FERMT2: variants seen among roughly 807,000 people sequenced by gnomAD.
FERMT2 encodes the protein FERM domain containing kindlin 2, also known as fermitin family homolog 2.
A neutral mutation model predicts 82.7 loss-of-function variants in FERMT2; 15 were observed. The observed-to-expected ratio is 0.18, with a 90% CI of 0.12 to 0.28. The LOEUF is 0.28. Ranked by LOEUF, FERMT2 falls within the 10% of genes least tolerant of loss-of-function variation. FERMT2 has a pLI of 1.00. For synonymous variants in FERMT2, 274 were observed against 271.5 expected (o/e 1.01, Z -0.09); for missense variants, 645 against 809.4 (o/e 0.80, Z 2.46).
intron 3 of FERMT2, among the ~76,000 whole-genome samples, chr14:52,911,318 AT>A (rs1888296104): frequency 6.6e-6 from 1 of 152,208 alleles, no homozygotes; most frequent in Non-Finnish European, 1.5e-5. Flanking sequence ...CATTAAAAAA[AT>A]ATAAGAGCCT....
intron 3 of FERMT2, among the ~76,000 whole-genome samples, chr14:52,904,598 CA>C (rs1594972938): frequency 6.6e-6 from 1 of 151,858 alleles, no homozygotes; most frequent in East Asian, 1.9e-4. Context: ...GAGGCTGAGG[CA>C]TGAGAATCGC....
chr14:52,913,508 C>T (rs1888441694), intron 3 of FERMT2, among the ~76,000 whole-genome samples: 1 of 152,092 alleles, frequency 6.6e-6, no homozygotes, highest in Non-Finnish European at 1.5e-5. Context: ...TGCACGTAAC[C>T]TAGACTTGGC....
At position 52,892,010 on chromosome 14, in the gene FERMT2, A is replaced by G. The variant is rs1382218543; in HGVS notation, c.526+1283T>C. ...AGTATAACAATACCAAACACAGAAA[A>G]GTCTGCTGACTCATGACAGAAAGAT... On this transcript the variant is annotated intron_variant, in intron 4 of 14. Transcript: ENST00000341590. Among the ~76,000 whole-genome samples, 3 of 152,136 alleles carry G rather than the reference A, an allele frequency of 2.0e-5. No homozygotes were observed. The East Asian group carries it at 5.8e-4, about 29-fold the overall frequency.
intron 3 of FERMT2, among the ~76,000 whole-genome samples, chr14:52,911,572 A>T (rs1181833976): frequency 6.6e-6 from 1 of 151,742 alleles, no homozygotes; most frequent in Non-Finnish European, 1.5e-5. Context: ...AATGGCGTGA[A>T]CCCGGGAGGC....
rs973879110 is a variant in FERMT2 at position 52,857,948 on chromosome 14, T to A, written c.*429A>T. ...GGGGTAGGGGGAGGAATTAAATGGCTACCAGAAGTAGGATATTTTAAAACA... is the reference window on the plus strand; with the variant it reads ...GGGGTAGGGGGAGGAATTAAATGGCAACCAGAAGTAGGATATTTTAAAACA... On this transcript the variant is annotated 3_prime_UTR_variant, in exon 15 of 15. Transcript: ENST00000341590. The A allele has an allele frequency of 6.5e-6, 1 of 154,744 alleles. No individual in the cohort carries two copies. Among genetic ancestry groups the A allele is most frequent in the African/African-American group, 2.4e-5 (1 of 41,510 alleles). 9.6% of individuals were successfully genotyped at this position (154,744 alleles called of 1,614,324 possible). A position where few individuals can be genotyped will look rare whatever the true frequency, so the allele number is the denominator to read the frequency against.
At chr14:52,910,822 T>C (rs9888615) in intron 3 of FERMT2, among the ~76,000 whole-genome samples, 95,673 of 152,012 alleles carry the variant, frequency 0.63, 31,457 homozygotes, top group South Asian at 0.76. Context: ...TAGGTAACAA[T>C]ATATTTTGGT....
intron 3 of FERMT2, among the ~76,000 whole-genome samples, chr14:52,912,078 C>T (rs751301129): frequency 1.3e-5 from 2 of 151,726 alleles, no homozygotes; most frequent in Non-Finnish European, 2.9e-5. Flanking sequence ...CCCTGTCGTG[C>T]TGCCAGCATG....
At chr14:52,934,501 A>C (rs985757468) in intron 2 of FERMT2, among the ~76,000 whole-genome samples, 1 of 152,218 alleles carries the variant, frequency 6.6e-6, no homozygotes. Context: ...GGATCAACTT[A>C]AAACATTTTG....
chr14:52,873,322 G>A (rs1432856239), intron 9 of FERMT2, among the ~76,000 whole-genome samples: 1 of 152,190 alleles, frequency 6.6e-6, no homozygotes, highest in Non-Finnish European at 1.5e-5. Flanking sequence ...GGATTGCCTT[G>A]GAGCCTCTAT....
intron 2 of FERMT2, among the ~76,000 whole-genome samples, chr14:52,920,554 A>G (rs923331546): frequency 2.0e-5 from 3 of 152,084 alleles, no homozygotes; most frequent in African/African-American, 7.2e-5. Context: ...GGATCACTTG[A>G]GCCCATAAGG....
intron 13 of FERMT2, 25 bp from the exon 14 acceptor site, chr14:52,859,739 T>C (rs772073376): frequency 2.1e-6 from 3 of 1,451,962 alleles, no homozygotes; most frequent in Middle Eastern, 1.8e-4. Flanking sequence ...AAAAGAACGG[T>C]TAAAAACATG....
At position 52,870,540 on chromosome 14, in the gene FERMT2, G is replaced by A. The variant is rs983813903; in HGVS notation, c.1273+2259C>T. ...TGGGATTATAGGCATGAGCCACCGC[G>A]CCCAGCCAAGTTGTACCTTTTCTAG... On this transcript the variant is annotated intron_variant, in intron 10 of 14. Transcript: ENST00000341590. 2.6e-5 allele frequency among the ~76,000 whole-genome samples: 4 copies of A among 152,238 alleles called. No individual in the cohort carries two copies. The South Asian group carries it at 6.2e-4, about 24-fold the overall frequency.
chr14:52,945,799 G>C (rs575781402), intron 2 of FERMT2, among the ~76,000 whole-genome samples: 1 of 151,998 alleles, frequency 6.6e-6, no homozygotes, highest in Non-Finnish European at 1.5e-5. Flanking sequence ...CTTATTCTCC[G>C]TTTAAAATGA....
intron 10 of FERMT2, 48 bp from the exon 11 acceptor site, chr14:52,864,901 A>C (rs1259594033): frequency 9.0e-7 from 1 of 1,113,014 alleles, no homozygotes; most frequent in Non-Finnish European, 1.4e-6. Context: ...CTTTTAAGAA[A>C]TCTCAAGTCA....
At chr14:52,897,994 A>AAC (rs1555369658) in intron 3 of FERMT2, among the ~76,000 whole-genome samples, 32 of 147,472 alleles carry the variant, frequency 2.2e-4, no homozygotes, top group Middle Eastern at 3.5e-3. Context: ...AAAAAAAAAA[A>AAC]CAACCAAAAA....
chr14:52,858,304 G>C lies in FERMT2; in HGVS notation c.*73C>G. ...ATAAATTTCAAGCTTACTTTATTAAGCAGCATATAACAAACAGCTTTTAAA... is the reference window on the plus strand; with the variant it reads ...ATAAATTTCAAGCTTACTTTATTAACCAGCATATAACAAACAGCTTTTAAA... On this transcript the variant is annotated 3_prime_UTR_variant, in exon 15 of 15. Transcript: ENST00000341590. 1.5e-6 allele frequency: 2 copies of C among 1,295,202 alleles called. No individual in the cohort carries two copies. Among genetic ancestry groups the C allele is most frequent in the South Asian group, 2.6e-5 (2 of 75,790 alleles). 80.2% of individuals were successfully genotyped at this position (1,295,202 alleles called of 1,614,324 possible). A position where few individuals can be genotyped will look rare whatever the true frequency, so the allele number is the denominator to read the frequency against.
intron 10 of FERMT2, among the ~76,000 whole-genome samples, chr14:52,872,597 C>G (rs147395672): frequency 1.4e-3 from 218 of 152,256 alleles, no homozygotes; most frequent in Middle Eastern, 6.8e-3. Context: ...GAGATTACAA[C>G]AAAATATTTA....
intron 12 of FERMT2, chr14:52,860,677 T>G: frequency 1.7e-6 from 1 of 575,658 alleles, no homozygotes; most frequent in African/African-American, 1.9e-5. Flanking sequence ...TTTTCATATA[T>G]CAACAAAAAG....
intron 2 of FERMT2, among the ~76,000 whole-genome samples, chr14:52,949,006 A>T (rs902543245): frequency 1.3e-5 from 2 of 152,218 alleles, no homozygotes; most frequent in African/African-American, 4.8e-5. Context: ...GCAAACAGTG[A>T]CTGATTTATT....
Sources: allele counts gnomAD v4.1 joint callset (sites outside exome capture counted in the v4.1 genomes callset), GRCh38; gene constraint gnomAD v4.1.1; transcripts MANE v1.5; gene names NCBI Gene and HGNC (gene_info 2026-07-23, HGNC 2026-07-21).